Variants in SYMPK observed in about 807,000 individuals in gnomAD.
SYMPK encodes symplekin scaffold protein.
A neutral mutation model predicts 136.4 loss-of-function variants in SYMPK; 49 were observed. That is an observed-to-expected ratio of 0.36 (90% CI 0.29 to 0.46). The LOEUF (loss-of-function observed/expected upper bound fraction) is 0.46. Ranked by LOEUF, SYMPK falls within the 20% of genes least tolerant of loss-of-function variation. The probability of loss-of-function intolerance (pLI) is 1.00; values close to 1 mark genes in which losing one functional copy is unlikely to be tolerated. For synonymous variants in SYMPK, 766 were observed against 713.0 expected (o/e 1.07, Z -1.19); for missense variants, 1,365 against 1,690.0 (o/e 0.81, Z 3.37).
intron 13 of SYMPK, 148 bp downstream of exon 13, chr19:45,829,906 G>T: frequency 1.1e-6 from 1 of 874,668 alleles, no homozygotes; most frequent in Non-Finnish European, 1.7e-6. Flanking sequence ...TGGAGGATGG[G>T]AGTGATCTGG....
chr19:45,819,573 G>C (rs948578393), intron 22 of SYMPK: 4 of 152,052 alleles, frequency 2.6e-5, no homozygotes, highest in Non-Finnish European at 5.9e-5. Context: ...TGGCCCCTCT[G>C]GGCTGCCCAG....
At position 45,832,582 on chromosome 19, in the gene SYMPK, A is replaced by G. The variant is rs76158078; in HGVS notation, c.1394-994T>C. Reference sequence around the variant, plus strand: ...CACAGCAGCTTTATTCCCAATGGCCAAAAACTGGAAAGAAGCCACAGGTCC... The same window carrying G: ...CACAGCAGCTTTATTCCCAATGGCCGAAAACTGGAAAGAAGCCACAGGTCC... On this transcript the variant is annotated intron_variant, in intron 11 of 26. Coordinates refer to ENST00000245934, the MANE Select transcript of SYMPK (RefSeq NM_004819.3). 1.5e-4 allele frequency among the ~76,000 whole-genome samples: 23 copies of G among 152,336 alleles called. No homozygotes were observed. In the East Asian group the frequency reaches 4.1e-3, roughly 27 times the overall value.
intron 25 of SYMPK, 121 bp downstream of exon 25, chr19:45,816,361 G>A: frequency 2.2e-6 from 3 of 1,351,438 alleles, no homozygotes; most frequent in Non-Finnish European, 2.0e-6. Context: ...GAGACGGGTG[G>A]CCCAGAGGCA....
At chr19:45,856,043 A>G (rs1971814394) in intron 1 of SYMPK, among the ~76,000 whole-genome samples, 1 of 151,968 alleles carries the variant, frequency 6.6e-6, no homozygotes, top group Admixed American at 6.6e-5. Flanking sequence ...AAAAACCAGC[A>G]GAGGAAACAG....
chr19:45,838,708 C>A, intron 9 of SYMPK, 93 bp from the exon 10 acceptor site: 2 of 1,384,918 alleles, frequency 1.4e-6, no homozygotes, highest in South Asian at 2.8e-5. Context: ...TGCCTCTAGT[C>A]AGCCTCAGCA....
chr19:45,838,637 A>T (rs1971363475), intron 9 of SYMPK, 22 bp from the exon 10 acceptor site: 4 of 1,609,788 alleles, frequency 2.5e-6, no homozygotes, highest in Non-Finnish European at 3.4e-6. Flanking sequence ...GAAAAGAACA[A>T]GATGCTGGCT....
At chr19:45,844,296 T>C in intron 7 of SYMPK, 96 bp from the exon 8 acceptor site, 1 of 964,264 alleles carries the variant, frequency 1.0e-6, no homozygotes, top group Non-Finnish European at 1.5e-6. Context: ...CAGATCCTGG[T>C]ACCTAGATGT....
chr19:45,857,188 C>G (rs974372573), intron 1 of SYMPK, among the ~76,000 whole-genome samples: 2 of 151,450 alleles, frequency 1.3e-5, no homozygotes, highest in African/African-American at 4.9e-5. Flanking sequence ...GCGGACGGAT[C>G]ACGGAGGTCA....
intron 21 of SYMPK, among the ~76,000 whole-genome samples, chr19:45,822,172 G>A (rs1009066170): frequency 7.2e-6 from 1 of 138,166 alleles, no homozygotes; most frequent in Non-Finnish European, 1.5e-5. Flanking sequence ...AGGCTGGAGT[G>A]CACTGGCACG....
chr19:45,842,286 C>G lies in SYMPK; in HGVS notation c.1051G>C (p.Asp351His). 1 of 1,614,226 alleles carries G rather than the reference C, an allele frequency of 6.2e-7. No homozygotes were observed. The highest frequency in any genetic ancestry group is 1.3e-5 in the African/African-American group (1 of 75,062). The change falls in exon 9 of 27, where the codon GAT (aspartate) becomes CAT (histidine). Residue 351 changes from aspartate to histidine, a missense_variant. Around this residue, in one of 11 missense-constraint regions of SYMPK, gnomAD observed 111 missense variants for 141.2 expected, o/e 0.79. Coordinates refer to ENST00000245934, the MANE Select transcript of SYMPK (RefSeq NM_004819.3). ...SSKDTRKRPR[D>H]DSDSTLKKMK... ...TTCTTGAGTGTGGAGTCCGAGTCAT[C>G]GCGGGGCCGCTTGCGGGTGTCCTTG...
At chr19:45,827,142 C>T (rs912432536) in intron 16 of SYMPK, among the ~76,000 whole-genome samples, 2 of 152,172 alleles carry the variant, frequency 1.3e-5, no homozygotes, top group African/African-American at 4.8e-5. Flanking sequence ...CACACCGGCT[C>T]CCCTGCTGGG....
chr19:45,829,321 G>A, intron 13 of SYMPK, 116 bp from the exon 14 acceptor site: 2 of 909,264 alleles, frequency 2.2e-6, no homozygotes, highest in South Asian at 1.6e-5. Flanking sequence ...GACAAGGAGT[G>A]AAGCGAGGAA....
At chr19:45,834,904 C>T (rs192568166) in intron 11 of SYMPK, among the ~76,000 whole-genome samples, 174 bp downstream of exon 11, 2 of 152,330 alleles carry the variant, frequency 1.3e-5, no homozygotes, top group Non-Finnish European at 2.9e-5. Flanking sequence ...TGTTGGATTC[C>T]AAAGCCCAGG....
Position 45,830,109 on chromosome 19 carries a change from G to A in SYMPK, c.1694C>T (p.Ala565Val), listed in dbSNP as rs1347103214. The A allele has an allele frequency of 1.1e-5, 17 of 1,584,426 alleles. No homozygotes were observed. The highest frequency in any genetic ancestry group is 2.7e-5 in the African/African-American group (2 of 74,162). Reference protein sequence around the residue: ...DAQVEAMKLGAVKRILRAEKA... With the variant: ...DAQVEAMKLGVVKRILRAEKA... ...CTCAGCCCGCAGGATCCGCTTCACA[G>A]CGCCCAGCTTCATGGCTTCCACCTG... Residue 565 changes from alanine (A) to valine (V), a missense_variant, in exon 13 of 27, where the codon GCT (alanine) becomes GTT (valine). Ala to Val is a moderately conservative substitution (Grantham distance 64, BLOSUM62 0). Coordinates refer to ENST00000245934, the MANE Select transcript of SYMPK (RefSeq NM_004819.3).
rs1390621372 is a variant in SYMPK at position 45,826,391 on chromosome 19, G to T, written c.2182-18C>A. The T allele has an allele frequency of 6.2e-7, 1 of 1,613,696 alleles. No homozygotes were observed. The highest frequency in any genetic ancestry group is 8.5e-7 in the Non-Finnish European group (1 of 1,179,756). On this transcript the variant is annotated intron_variant, in intron 16 of 26. Transcript: ENST00000245934. ...GAGCGCACCTGAGGAGGAAGATGGA[G>T]AAGGGCAGGGTCAGGGAAGAGGTAA... is the stretch of plus-strand genomic sequence containing the variant.
chr19:45,847,702 A>G (rs3745928), intron 7 of SYMPK, 50 bp downstream of exon 7: 243,677 of 1,575,058 alleles, frequency 0.15, 19,450 homozygotes, highest in Admixed American at 0.21. Flanking sequence ...CGTGAAGGAG[A>G]GGAAACTGGT....
rs142237458 is a variant in SYMPK at position 45,842,373 on chromosome 19, T to C, written c.964A>G (p.Thr322Ala). ...PASLEFQAQI[T>A]TLLVDLGTPQ... Reference sequence around the variant, plus strand: ...GTGCCCAGGTCCACCAGCAGGGTGGTGATCTGGGCCTGGAACTCCAAGGAA... The same window carrying C: ...GTGCCCAGGTCCACCAGCAGGGTGGCGATCTGGGCCTGGAACTCCAAGGAA... The change falls in exon 9 of 27, where the codon ACC becomes GCC. Residue 322 changes from threonine to alanine, a missense_variant. Thr to Ala is a moderately conservative substitution (Grantham distance 58, BLOSUM62 0). Coordinates refer to ENST00000245934, the MANE Select transcript of SYMPK (RefSeq NM_004819.3). 1.2e-6 allele frequency: 2 copies of C among 1,614,012 alleles called. No individual in the cohort carries two copies. The highest frequency in any genetic ancestry group is 2.7e-5 in the African/African-American group (2 of 74,910).
chr19:45,816,136 G>C lies in SYMPK; in HGVS notation c.3402C>G (p.Pro1134=). The C allele has an allele frequency of 1.2e-5, 18 of 1,548,978 alleles. No individual in the cohort carries two copies. The highest frequency in any genetic ancestry group is 1.5e-5 in the Non-Finnish European group (17 of 1,144,174). The stretch of plus-strand genomic sequence containing the variant: ...GTCGCAGGCCGATGAGGTCCTGAGG[G>C]GGCCGGGGTGCTGGGGCCGGGGCCA... ...LTLAPAPAPR[P]PQDLIGLRLA... The change falls in exon 26 of 27, where the codon CCC becomes CCG. Residue 1134 remains proline, a synonymous_variant. Transcript: ENST00000245934.
rs757034508 is a variant in SYMPK at position 45,825,171 on chromosome 19, C to T, written c.2490G>A (p.Pro830=). ...GGCCTGGTGGGCTCAGGGGCCTCAC[C>T]GGCTGCTCAATGACCCTCAGCACCG... The part of the protein sequence containing the change: ...KRTVLRVIEQ[P]IRGMGMNSPE... Residue 830 remains proline, a splice_region_variant and synonymous_variant, in exon 18 of 27, where the codon CCG becomes CCA. Coordinates refer to ENST00000245934, the MANE Select transcript of SYMPK (RefSeq NM_004819.3). 3.1e-6 allele frequency: 5 copies of T among 1,612,110 alleles called. No individual in the cohort carries two copies. The highest frequency in any genetic ancestry group is 1.3e-5 in the African/African-American group (1 of 75,026).
Sources: allele counts gnomAD v4.1 joint callset (sites outside exome capture counted in the v4.1 genomes callset), GRCh38; gene constraint gnomAD v4.1.1; regional missense constraint gnomAD v4.1.1; transcripts MANE v1.5; gene names NCBI Gene and HGNC (gene_info 2026-07-23, HGNC 2026-07-21).